Variants in DENND4C observed in about 807,000 individuals in gnomAD.
The protein encoded by DENND4C is DENN domain-containing protein 4C.
In DENND4C, 108 loss-of-function variants were observed where a neutral mutation model predicts 203.0. That is an observed-to-expected ratio of 0.53 (90% CI 0.46 to 0.62). The LOEUF (loss-of-function observed/expected upper bound fraction) is 0.62. Ranked by LOEUF, DENND4C falls within the 20% of genes least tolerant of loss-of-function variation. The pLI, the probability that DENND4C is intolerant of heterozygous loss-of-function variation, is 0.00. For missense variants in DENND4C, 2,481 were observed against 2,301.2 expected (o/e 1.08, Z -1.60); for synonymous variants, 871 against 792.4 (o/e 1.10, Z -1.67).
At chr9:19,352,741 C>T (rs190609303) in intron 26 of DENND4C, 76 bp downstream of exon 26, 94 of 1,207,480 alleles carry the variant, frequency 7.8e-5, no homozygotes, top group Admixed American at 1.3e-4. Context: ...GTGAAATATT[C>T]CTGGTATGCT....
At chr9:19,312,754 AGTT>A (rs1258911197) in intron 10 of DENND4C, among the ~76,000 whole-genome samples, 1 of 152,212 alleles carries the variant, frequency 6.6e-6, no homozygotes, top group Admixed American at 6.5e-5. Flanking sequence ...GGGACACTCA[AGTT>A]CAAAATGGTT....
At chr9:19,299,773 G>A (rs1200400722) in intron 8 of DENND4C, among the ~76,000 whole-genome samples, 1 of 152,068 alleles carries the variant, frequency 6.6e-6, no homozygotes, top group African/African-American at 2.4e-5. Flanking sequence ...AAATATAATA[G>A]TATATTTCAA....
intron 5 of DENND4C, among the ~76,000 whole-genome samples, chr9:19,295,485 A>G (rs1464946586): frequency 2.0e-5 from 3 of 151,880 alleles, no homozygotes; most frequent in Non-Finnish European, 2.9e-5. Flanking sequence ...AGCCTGGGTG[A>G]CAGAGCAAGA....
intron 1 of DENND4C, among the ~76,000 whole-genome samples, chr9:19,231,125 G>A (rs1564067028): frequency 6.6e-6 from 1 of 152,210 alleles, no homozygotes; most frequent in African/African-American, 2.4e-5. Context: ...CATGAGAATC[G>A]TTTGCGTACA....
chr9:19,322,595 G>A (rs186952771), intron 12 of DENND4C, among the ~76,000 whole-genome samples: 48 of 152,004 alleles, frequency 3.2e-4, no homozygotes, highest in Admixed American at 1.5e-3. Context: ...AATTAGCCAG[G>A]CGTGGTGGCG....
At position 19,342,653 on chromosome 9, in the gene DENND4C, A is replaced by G. The variant is rs1174701102; in HGVS notation, c.3025A>G (p.Ile1009Val). ...QTEEVCDASA[I>V]VAKHSQPSPE... ...TCCAGAGGTGTGTGATGCCTCTGCTATTGTGGCAAAACATTCACAACCTAG... is the reference window on the plus strand; with the variant it reads ...TCCAGAGGTGTGTGATGCCTCTGCTGTTGTGGCAAAACATTCACAACCTAG... The change falls in exon 22 of 33, where the codon ATT (isoleucine) becomes GTT (valine). Residue 1009 changes from isoleucine to valine, a missense_variant. Ile to Val is a conservative substitution (Grantham distance 29). Around this residue, in one of 3 missense-constraint regions of DENND4C, gnomAD observed 2,289 missense variants for 2,113.3 expected, o/e 1.08. Transcript: ENST00000434457. 1.2e-6 allele frequency: 2 copies of G among 1,608,246 alleles called. No individual in the cohort carries two copies. Among genetic ancestry groups the G allele is most frequent in the East Asian group, 2.2e-5 (1 of 44,602 alleles).
chr9:19,306,162 G>GT (rs1477197730), intron 10 of DENND4C, among the ~76,000 whole-genome samples: 2 of 152,186 alleles, frequency 1.3e-5, no homozygotes, highest in East Asian at 3.8e-4. Flanking sequence ...GGAAAGGACA[G>GT]TAAGTATTAA....
chr9:19,342,433 C>T lies in DENND4C; in HGVS notation c.3005-200C>T, dbSNP rs553081902. Among the ~76,000 whole-genome samples the T allele has an allele frequency of 2.0e-5, 3 of 152,256 alleles. No individual in the cohort carries two copies. In the East Asian group the frequency reaches 5.8e-4, roughly 29 times the overall value. Reference sequence around the variant, plus strand: ...ATGTTAGGATTATTGAATGCTAAAACAAAGCATTTATTTCAGTTAATATTG... The same window carrying T: ...ATGTTAGGATTATTGAATGCTAAAATAAAGCATTTATTTCAGTTAATATTG... On this transcript the variant is annotated intron_variant, in intron 21 of 32. Coordinates refer to ENST00000434457, the MANE Select transcript of DENND4C (RefSeq NM_001330640.2).
intron 30 of DENND4C, among the ~76,000 whole-genome samples, chr9:19,362,609 T>C (rs984710974): frequency 6.6e-6 from 1 of 152,208 alleles, no homozygotes; most frequent in African/African-American, 2.4e-5. Flanking sequence ...TGTTTTTTAA[T>C]TGTGACGGGT....
At chr9:19,280,330 A>G (rs911037532) in intron 2 of DENND4C, among the ~76,000 whole-genome samples, 5 of 152,066 alleles carry the variant, frequency 3.3e-5, no homozygotes, top group Non-Finnish European at 2.9e-5. Context: ...TATTTTTAGT[A>G]GAGACGGGGT....
At chr9:19,263,745 T>C (rs61213257) in intron 1 of DENND4C, among the ~76,000 whole-genome samples, 7,975 of 150,956 alleles carry the variant, frequency 0.053, 351 homozygotes, top group African/African-American at 0.12. Flanking sequence ...ACCTCTGCCT[T>C]CCGGGTTCAA....
rs1054348025 is a variant in DENND4C, at chr9:19,372,890, A to G, written c.*717A>G. The stretch of plus-strand genomic sequence containing the variant: ...AAAAAAAAAAAAAAAAGAGAGCAAC[A>G]TATTTGTGTAAGTTTGTATATGTGT... On this transcript the variant is annotated 3_prime_UTR_variant, in exon 33 of 33. Coordinates refer to ENST00000434457, the MANE Select transcript of DENND4C (RefSeq NM_001330640.2). 8.6e-5 allele frequency: 13 copies of G among 151,216 alleles called. No individual in the cohort carries two copies. The highest frequency in any genetic ancestry group is 2.2e-4 in the African/African-American group (9 of 40,984). 9.4% of individuals were successfully genotyped at this position (151,216 alleles called of 1,614,324 possible).
rs114663641 is a variant in DENND4C at position 19,250,776 on chromosome 9, C to G, written c.-18+19943C>G. 8.1e-3 allele frequency among the ~76,000 whole-genome samples: 1,226 copies of G among 152,288 alleles called. 19 individuals carry two copies. The highest frequency in any genetic ancestry group is 0.029 in the African/African-American group (1,186 of 41,560). On this transcript the variant is annotated intron_variant, in intron 1 of 32. Coordinates refer to ENST00000434457, the MANE Select transcript of DENND4C (RefSeq NM_001330640.2). ...GCGGGGTGGTCAAGTCTTAAAGCTC[C>G]ACAATGATCTCCTTTGACTCCATGT...
In DENND4C at chr9:19,245,038, C is replaced by A. The variant is rs1421788524; in HGVS notation, c.-18+14205C>A. ...AGGTTTCTTTTCTAACCTACCTTAG[C>A]TGTCTGCATGCATAATCACACCCTA... On this transcript the variant is annotated intron_variant, in intron 1 of 32. Coordinates refer to ENST00000434457, the MANE Select transcript of DENND4C (RefSeq NM_001330640.2). Among the ~76,000 whole-genome samples, 2 of 152,212 alleles carry A rather than the reference C, an allele frequency of 1.3e-5. 1 individual carries two copies. The highest frequency in any genetic ancestry group is 4.1e-4 in the South Asian group (2 of 4,834).
chr9:19,232,673 G>C (rs1378099473), intron 1 of DENND4C, among the ~76,000 whole-genome samples: 1 of 152,150 alleles, frequency 6.6e-6, no homozygotes, highest in Admixed American at 6.6e-5. Context: ...GGAGTGTGGA[G>C]ACTATTCTTA....
chr9:19,372,309 A>T lies in DENND4C; in HGVS notation c.*136A>T. 9.4e-7 allele frequency: 1 copy of T among 1,059,386 alleles called. No homozygotes were observed. Among genetic ancestry groups the T allele is most frequent in the Non-Finnish European group, 1.3e-6 (1 of 743,506 alleles). 65.6% of individuals were successfully genotyped at this position (1,059,386 alleles called of 1,614,324 possible). On this transcript the variant is annotated 3_prime_UTR_variant, in exon 33 of 33. Coordinates refer to ENST00000434457, the MANE Select transcript of DENND4C (RefSeq NM_001330640.2). ...TAACTCTTGGGGACAATATATAATGAATTATGATTCATATTGCATTACCTT... is the reference window on the plus strand; with the variant it reads ...TAACTCTTGGGGACAATATATAATGTATTATGATTCATATTGCATTACCTT...
At chr9:19,244,231 A>G (rs886422050) in intron 1 of DENND4C, among the ~76,000 whole-genome samples, 26 of 152,178 alleles carry the variant, frequency 1.7e-4, no homozygotes, top group Non-Finnish European at 1.5e-4. Flanking sequence ...GGATTTTGCC[A>G]TGTTAGCCAG....
Position 19,335,039 on chromosome 9 carries a change from A to G in DENND4C, c.2523A>G (p.Arg841=), listed in dbSNP as rs772094612. 2 of 1,612,338 alleles carry G rather than the reference A, an allele frequency of 1.2e-6. No homozygotes were observed. Among genetic ancestry groups the G allele is most frequent in the South Asian group, 2.2e-5 (2 of 90,952 alleles). ...GLWGHPVLAV[R]VLFEMKTARI... is the part of the protein sequence containing the mutation. ...GGGGTCATCCTGTTTTAGCAGTGAG[A>G]GTCTTATTTGAAATGAAAACTGCTA... is the stretch of plus-strand genomic sequence containing the variant. Residue 841 remains arginine (R), a synonymous_variant, in exon 18 of 33, where the codon AGA becomes AGG. Coordinates refer to ENST00000434457, the MANE Select transcript of DENND4C (RefSeq NM_001330640.2).
At chr9:19,354,725 T>C (rs767096076) in intron 26 of DENND4C, among the ~76,000 whole-genome samples, 6 of 151,750 alleles carry the variant, frequency 4.0e-5, no homozygotes, top group Non-Finnish European at 8.8e-5. Context: ...TTTGTAATTT[T>C]TGTAGAGATG....
Sources: gnomAD v4.1 joint callset for allele counts (sites outside exome capture counted in the v4.1 genomes callset) on GRCh38, gnomAD v4.1.1 for gene constraint, gnomAD v4.1.1 regional missense constraint, MANE v1.5 for transcripts, NCBI Gene and HGNC (gene_info 2026-07-23, HGNC 2026-07-21) for gene names.